The following PCDHGA7 variants were observed in gnomAD, a reference collection of about 807,000 sequenced individuals.
PCDHGA7 encodes the protein protocadherin gamma subfamily A, 7, also known as protocadherin gamma-A7.
Under a neutral mutation model 58.3 loss-of-function variants are expected in PCDHGA7, and 44 were observed. That is an observed-to-expected ratio of 0.75 (90% CI 0.59 to 0.97). The LOEUF (loss-of-function observed/expected upper bound fraction) is 0.97, where lower values mean the gene tolerates loss of function less well. Among genes scored for constraint, PCDHGA7 ranks in the 50% least tolerant of loss-of-function variants. The pLI is 0.00. For synonymous variants in PCDHGA7, 516 were observed against 504.2 expected, an observed-to-expected ratio of 1.02 and a Z score of -0.31; for missense variants, 1,266 against 1,188.7, an observed-to-expected ratio of 1.06 and a Z score of -0.96.
chr5:141,417,644 AG>A, intron 1 of PCDHGA7: 1 of 779,202 alleles, frequency 1.3e-6, no homozygotes, highest in South Asian at 2.1e-5. Flanking sequence ...GGGATCCCTC[AG>A]CCTCTAGCCT....
At chr5:141,388,369 T>G in intron 1 of PCDHGA7, 1 of 1,614,006 alleles carries the variant, frequency 6.2e-7, no homozygotes, top group Non-Finnish European at 8.5e-7. Flanking sequence ...GATGCGGATA[T>G]TGGTAGCAAC....
At chr5:141,394,300 T>G (rs753637808) in intron 1 of PCDHGA7, 2 of 1,613,820 alleles carry the variant, frequency 1.2e-6, no homozygotes, top group African/African-American at 2.7e-5. Context: ...GAGGACACGC[T>G]GCAGGGGGCG....
At chr5:141,415,686 G>A in intron 1 of PCDHGA7, 2 of 1,535,424 alleles carry the variant, frequency 1.3e-6, no homozygotes, top group Non-Finnish European at 1.8e-6. Context: ...GCGGCATGAT[G>A]GTGGAAAGTG....
intron 1 of PCDHGA7, among the ~76,000 whole-genome samples, chr5:141,465,119 A>T (rs2099097382): frequency 6.6e-6 from 1 of 151,780 alleles, no homozygotes; most frequent in Non-Finnish European, 1.5e-5. Flanking sequence ...GTTTTAGCCT[A>T]AATTTGTAAA....
At chr5:141,393,189 A>G (rs1561640968) in intron 1 of PCDHGA7, 1 of 1,613,404 alleles carries the variant, frequency 6.2e-7, no homozygotes, top group Admixed American at 1.7e-5. Context: ...AATAATTGAT[A>G]TTAACGATAA....
rs1299979776 is a variant in PCDHGA7 at position 141,512,453 on chromosome 5, G to GC, written c.*1282dup. On this transcript the variant is annotated 3_prime_UTR_variant, in exon 4 of 4. Transcript: ENST00000518325. ...TCCTGAAGCCTCAGTCCTTCACCTT[G>GC]CCAGGTGCCGTTTCTCTTCCGTGAA... The GC allele has an allele frequency of 6.5e-6, 1 of 152,880 alleles. No homozygotes were observed. The allele number at this position is 152,880 out of a possible 1,614,324, so 9.5% of individuals were successfully genotyped here.
chr5:141,439,042 A>C (rs2098084096), intron 1 of PCDHGA7, among the ~76,000 whole-genome samples: 1 of 151,642 alleles, frequency 6.6e-6, no homozygotes, highest in Non-Finnish European at 1.5e-5. Context: ...TCAGTTCATA[A>C]GATTTCCATA....
intron 1 of PCDHGA7, chr5:141,428,270 C>T (rs1353416356): frequency 1.3e-6 from 1 of 778,952 alleles, no homozygotes. Flanking sequence ...AGTCCTGTGC[C>T]CTCTGATTCC....
At chr5:141,388,703 C>T in intron 1 of PCDHGA7, 1 of 1,613,982 alleles carries the variant, frequency 6.2e-7, no homozygotes, top group Non-Finnish European at 8.5e-7. Context: ...ATGAGGGTGT[C>T]AATGCCGAGA....
chr5:141,389,569 A>T, intron 1 of PCDHGA7: 2 of 1,613,182 alleles, frequency 1.2e-6, no homozygotes, highest in Non-Finnish European at 1.7e-6. Context: ...CGGGTGCTGT[A>T]CCCCGCGCTG....
At chr5:141,438,136 A>C (rs2097931548) in intron 1 of PCDHGA7, among the ~76,000 whole-genome samples, 1 of 152,186 alleles carries the variant, frequency 6.6e-6, no homozygotes, top group Non-Finnish European at 1.5e-5. Flanking sequence ...TAATGGCAAA[A>C]GATAGCCAGC....
intron 1 of PCDHGA7, chr5:141,441,396 C>T (rs2098244328): frequency 6.5e-6 from 1 of 154,724 alleles, no homozygotes; most frequent in Admixed American, 6.5e-5. Flanking sequence ...GGTATAACAT[C>T]AGCATCACTG....
intron 1 of PCDHGA7, 108 bp from the exon 2 acceptor site, chr5:141,494,699 T>G: frequency 6.3e-7 from 1 of 1,592,240 alleles, no homozygotes; most frequent in East Asian, 2.3e-5. Context: ...GTCCGTTTTC[T>G]TCTCTGTGCC....
intron 1 of PCDHGA7, among the ~76,000 whole-genome samples, chr5:141,449,525 G>T (rs2098641561): frequency 6.7e-6 from 1 of 148,580 alleles, no homozygotes; most frequent in South Asian, 2.1e-4. Flanking sequence ...GGAGGCGGAG[G>T]TTGCAGTGAG....
At position 141,487,465 on chromosome 5, in the gene PCDHGA7, T is replaced by C. The variant is rs1354086784; in HGVS notation, c.2425-7342T>C. 1.9e-6 allele frequency: 3 copies of C among 1,614,194 alleles called. No individual in the cohort carries two copies. The highest frequency in any genetic ancestry group is 1.7e-6 in the Non-Finnish European group (2 of 1,180,020). Reference sequence around the variant, plus strand: ...CAGATGACCCTATCAAGTTTGTTGATGTGGGAGGCCACTCTCATGGCTGTA... The same window carrying C: ...CAGATGACCCTATCAAGTTTGTTGACGTGGGAGGCCACTCTCATGGCTGTA... On this transcript the variant is annotated intron_variant, in intron 1 of 3. Transcript: ENST00000518325. The surrounding 1 kb of genome is among the most constrained non-coding windows in gnomAD (Gnocchi z 5.0).
At chr5:141,457,791 A>G (rs554446263) in intron 1 of PCDHGA7, among the ~76,000 whole-genome samples, 1 of 152,318 alleles carries the variant, frequency 6.6e-6, no homozygotes, top group South Asian at 2.1e-4. Flanking sequence ...GAGTTGGGTT[A>G]TCCTCTCCTC....
intron 1 of PCDHGA7, among the ~76,000 whole-genome samples, chr5:141,445,417 A>C (rs1483224509): frequency 6.6e-6 from 1 of 152,208 alleles, no homozygotes; most frequent in Non-Finnish European, 1.5e-5. Context: ...ACTGTCTGCT[A>C]TATGCAAGGC....
intron 1 of PCDHGA7, chr5:141,389,735 G>A: frequency 6.2e-7 from 1 of 1,612,708 alleles, no homozygotes; most frequent in Non-Finnish European, 8.5e-7. Flanking sequence ...TCTTCAGCCT[G>A]GGGCTGCGCA....
At chr5:141,409,398 A>C in intron 1 of PCDHGA7, 1 of 1,614,050 alleles carries the variant, frequency 6.2e-7, no homozygotes, top group Non-Finnish European at 8.5e-7. Flanking sequence ...TCTTCTTCCA[A>C]TAACTACTAC....
Sources: gnomAD v4.1 joint callset for allele counts (sites outside exome capture counted in the v4.1 genomes callset) on GRCh38, gnomAD v4.1.1 for gene constraint, Gnocchi (gnomAD v3.1) non-coding constraint, MANE v1.5 for transcripts, NCBI Gene and HGNC (gene_info 2026-07-23, HGNC 2026-07-21) for gene names.